SYNE2: variants seen among roughly 807,000 people sequenced by gnomAD.
SYNE2 encodes the protein nesprin-2.
SYNE2 carries 431 observed loss-of-function variants against 856.3 expected under a neutral mutation model. The ratio of observed to expected loss-of-function variants is 0.50; its 90% confidence interval spans 0.47 to 0.55. SYNE2 has a LOEUF of 0.55. Among genes scored for constraint, SYNE2 ranks in the 20% least tolerant of loss-of-function variants. SYNE2 has a pLI of 0.00. For missense variants in SYNE2, 8,129 were observed against 8,023.2 expected (o/e 1.01, Z -0.50); for synonymous variants, 2,923 against 2,872.3 (o/e 1.02, Z -0.56).
chr14:63,860,496 C>T (rs1425183790), intron 1 of SYNE2, among the ~76,000 whole-genome samples: 1 of 152,190 alleles, frequency 6.6e-6, no homozygotes, highest in Admixed American at 6.5e-5. Context: ...CCCCTCAGGT[C>T]AAAGTAACAC....
intron 99 of SYNE2, among the ~76,000 whole-genome samples, chr14:64,199,726 A>G (rs932351722): frequency 6.6e-6 from 1 of 151,654 alleles, no homozygotes; most frequent in East Asian, 1.9e-4. Context: ...AAAAAAAAAA[A>G]AAAAAAAAAA....
chr14:64,013,412 G>A (rs905962815), intron 32 of SYNE2, among the ~76,000 whole-genome samples: 13 of 149,844 alleles, frequency 8.7e-5, no homozygotes, highest in Non-Finnish European at 1.9e-4. Flanking sequence ...TGGGCTTTTA[G>A]TGGAACCTAT....
At chr14:63,891,401 A>T (rs1431311934) in intron 1 of SYNE2, among the ~76,000 whole-genome samples, 3 of 152,146 alleles carry the variant, frequency 2.0e-5, no homozygotes, top group African/African-American at 7.2e-5. Flanking sequence ...GAAATGTGTG[A>T]TATACAGGGG....
Position 64,051,608 on chromosome 14 carries a change from A to G in SYNE2, c.7695A>G (p.Ala2565=). ...TYLDKIKKFI[A]SIEKEKDSLG... ...TGGACAAAATTAAAAAATTCATAGCATCCATAGAAAAAGAGAAAGATTCTT... is the reference window on the plus strand; with the variant it reads ...TGGACAAAATTAAAAAATTCATAGCGTCCATAGAAAAAGAGAAAGATTCTT... Residue 2565 remains alanine, a synonymous_variant, in exon 48 of 116, where the codon GCA becomes GCG. Transcript: ENST00000555002. 6.2e-7 allele frequency: 1 copy of G among 1,613,874 alleles called. No homozygotes were observed.
chr14:63,972,662 C>A (rs1273924383), intron 11 of SYNE2, among the ~76,000 whole-genome samples: 1 of 152,102 alleles, frequency 6.6e-6, no homozygotes, highest in Non-Finnish European at 1.5e-5. Flanking sequence ...GTAATTACTG[C>A]AGAAGGGAAG....
At chr14:63,874,267 A>G (rs1415784940) in intron 1 of SYNE2, among the ~76,000 whole-genome samples, 1 of 152,200 alleles carries the variant, frequency 6.6e-6, no homozygotes, top group Non-Finnish European at 1.5e-5. Context: ...ATTTAAAAAT[A>G]CTTTTGGTAC....
In SYNE2 at chr14:63,811,868, C is replaced by A. The variant is rs113939229; in HGVS notation, c.-304-40633C>A. ...CACAAAGATCACATGCTTCAAAGGG[C>A]AAAAAGAGAACAAAGATCATAAGCT... On this transcript the variant is annotated intron_variant, in intron 1 of 23. Transcript: ENST00000674003. 5.7e-3 allele frequency among the ~76,000 whole-genome samples: 867 copies of A among 151,776 alleles called. 5 individuals carry two copies. Among genetic ancestry groups the A allele is most frequent in the African/African-American group, 0.019 (801 of 41,374 alleles).
intron 1 of SYNE2, among the ~76,000 whole-genome samples, chr14:63,876,676 C>T (rs1296285359): frequency 6.6e-6 from 1 of 152,104 alleles, no homozygotes; most frequent in African/African-American, 2.4e-5. Context: ...TTAGTAGAGA[C>T]GGGGTTTCAC....
intron 67 of SYNE2, 34 bp from the exon 68 acceptor site, chr14:64,120,893 A>G (rs905225569): frequency 6.2e-7 from 1 of 1,612,766 alleles, no homozygotes; most frequent in Admixed American, 1.7e-5. Context: ...TATTTTTAAA[A>G]ATAAATAGCC....
At chr14:64,091,078 C>G in intron 60 of SYNE2, 30 bp downstream of exon 60, 1 of 1,603,092 alleles carries the variant, frequency 6.2e-7, no homozygotes, top group Non-Finnish European at 8.5e-7. Flanking sequence ...ATCCAACTTA[C>G]TGGATGAAAA....
chr14:64,110,588 A>ACCCCCCCCCCCC (rs11315645), intron 65 of SYNE2, among the ~76,000 whole-genome samples: 12 of 75,388 alleles, frequency 1.6e-4, no homozygotes, highest in African/African-American at 2.9e-4. Context: ...TACTTTTTAC[A>ACCCCCCCCCCCC]CCCCCCCCCC....
intron 92 of SYNE2, among the ~76,000 whole-genome samples, 174 bp from the exon 93 acceptor site, chr14:64,168,703 T>C (rs1171343824): frequency 6.6e-6 from 1 of 152,232 alleles, no homozygotes; most frequent in Non-Finnish European, 1.5e-5. Context: ...AAGAATATAT[T>C]CGTAGGTGAT....
chr14:64,193,637 A>T (rs2098528107), intron 99 of SYNE2, among the ~76,000 whole-genome samples: 1 of 152,226 alleles, frequency 6.6e-6, no homozygotes, highest in African/African-American at 2.4e-5. Flanking sequence ...TTCAAGGTTA[A>T]GAATGGTTTT....
intron 50 of SYNE2, among the ~76,000 whole-genome samples, chr14:64,063,517 A>G (rs2097333658): frequency 6.6e-6 from 1 of 152,234 alleles, no homozygotes; most frequent in African/African-American, 2.4e-5. Flanking sequence ...ATACTGCTGG[A>G]TCAGTGACAG....
At chr14:63,946,750 C>G (rs2096037431) in intron 6 of SYNE2, among the ~76,000 whole-genome samples, 1 of 150,854 alleles carries the variant, frequency 6.6e-6, no homozygotes, top group Non-Finnish European at 1.5e-5. Context: ...GCAAATAATT[C>G]TGACTCTGTG....
rs1360773768 is a variant in SYNE2 at position 64,216,288 on chromosome 14, C to T, written c.19443C>T (p.Asp6481=). The T allele has an allele frequency of 6.2e-7, 1 of 1,614,110 alleles. No homozygotes were observed. The highest frequency in any genetic ancestry group is 1.3e-5 in the African/African-American group (1 of 74,938). Residue 6481 remains aspartate, a synonymous_variant, in exon 108 of 116, where the codon GAC becomes GAT. Coordinates refer to ENST00000555002, the MANE Select transcript of SYNE2 (RefSeq NM_182914.3). The part of the protein sequence containing the change: ...ISDGHSWHVP[D]SPSCPEHHYK... ...ATGGCCACTCGTGGCATGTTCCCGA[C>T]AGCCCTTCCTGTCCCGAGCATCACT...
chr14:64,000,157 C>A (rs2153501950), intron 27 of SYNE2, among the ~76,000 whole-genome samples: 1 of 152,262 alleles, frequency 6.6e-6, no homozygotes, highest in African/African-American at 2.4e-5. Flanking sequence ...TAAGTTACTT[C>A]TTATTTATGT....
At chr14:64,172,849 C>T (rs760011959) in intron 94 of SYNE2, among the ~76,000 whole-genome samples, 5 of 151,672 alleles carry the variant, frequency 3.3e-5, no homozygotes, top group Non-Finnish European at 7.4e-5. Context: ...AGGAGGGTCA[C>T]ACTTGAGCCC....
Position 64,202,794 on chromosome 14 carries a change from T to C in SYNE2, c.18039-7T>C. On this transcript the variant is annotated splice_region_variant and splice_polypyrimidine_tract_variant and intron_variant, in intron 99 of 115. Transcript: ENST00000555002. ...GTTTCGTTTTGTTTTTCTGCAAATA[T>C]GTGTAGGGTGAAGAAGCTGAAGGAG... is the stretch of plus-strand genomic sequence containing the variant. The C allele has an allele frequency of 1.2e-6, 2 of 1,614,186 alleles. No individual in the cohort carries two copies. The highest frequency in any genetic ancestry group is 1.7e-6 in the Non-Finnish European group (2 of 1,180,024).
Sources: allele counts gnomAD v4.1 joint callset (sites outside exome capture counted in the v4.1 genomes callset), GRCh38; gene constraint gnomAD v4.1.1; transcripts MANE v1.5; gene names NCBI Gene and HGNC (gene_info 2026-07-23, HGNC 2026-07-21).